EDNRA: variants seen among roughly 807,000 people sequenced by gnomAD.
EDNRA encodes the protein endothelin receptor type A, also known as endothelin-1 receptor.
A neutral mutation model predicts 41.4 loss-of-function variants in EDNRA; 11 were observed. The ratio of observed to expected loss-of-function variants is 0.27; its 90% CI spans 0.17 to 0.44. The LOEUF (loss-of-function observed/expected upper bound fraction) is 0.44, where lower values mean the gene tolerates loss of function less well. Among genes scored for constraint, EDNRA ranks in the 20% least tolerant of loss-of-function variants. EDNRA has a pLI of 1.00. For missense variants in EDNRA, 294 were observed against 531.0 expected (o/e 0.55, Z 4.39); for synonymous variants, 172 against 183.0 (o/e 0.94, Z 0.49).
intron 2 of EDNRA, chr4:147,496,153 C>A (rs72721930): frequency 6.6e-6 from 1 of 152,244 alleles, no homozygotes; most frequent in Non-Finnish European, 1.5e-5. Flanking sequence ...TACACTGCAT[C>A]CCACGTAAGT....
chr4:147,507,102 T>C (rs1361908012), intron 2 of EDNRA, among the ~76,000 whole-genome samples: 1 of 152,036 alleles, frequency 6.6e-6, no homozygotes, highest in Non-Finnish European at 1.5e-5. Flanking sequence ...TTGCTGTATC[T>C]CTGAGGAGCT....
rs756111419 is a variant in EDNRA at position 147,539,958 on chromosome 4, C to CCTGT, written c.1034+9_1034+12dup. 1.3e-5 allele frequency: 21 copies of CCTGT among 1,576,718 alleles called. No homozygotes were observed. The East Asian group carries it at 4.7e-4, about 35-fold the overall frequency. On this transcript the variant is annotated intron_variant, in intron 6 of 7. Coordinates refer to ENST00000651419, the MANE Select transcript of EDNRA (RefSeq NM_001957.4). ...CCGATGTGAATTACTTAGGTATGATCCTGTGTACTCGCTAGAAAATTGGAG... is the reference window on the plus strand; with the variant it reads ...CCGATGTGAATTACTTAGGTATGATCCTGTCTGTGTACTCGCTAGAAAATTGGAG...
chr4:147,535,590 G>T (rs981899783), intron 4 of EDNRA, among the ~76,000 whole-genome samples: 2 of 152,152 alleles, frequency 1.3e-5, no homozygotes, highest in Non-Finnish European at 2.9e-5. Flanking sequence ...GGGCTCTTCC[G>T]TTGTGTAGTT....
chr4:147,512,857 C>T (rs1729973277), intron 2 of EDNRA, among the ~76,000 whole-genome samples: 1 of 152,114 alleles, frequency 6.6e-6, no homozygotes, highest in African/African-American at 2.4e-5. Context: ...GTGTGGCCTG[C>T]CACCACCCTG....
rs1463470527 is a variant in EDNRA, at chr4:147,481,250, A to AGCC, written c.-188_-186dup. The AGCC allele has an allele frequency of 6.5e-6, 1 of 153,100 alleles. No homozygotes were observed. Among genetic ancestry groups the AGCC allele is most frequent in the African/African-American group, 2.4e-5 (1 of 41,468 alleles). The allele number at this position is 153,100 out of a possible 1,614,324, so 9.5% of individuals were successfully genotyped here. On this transcript the variant is annotated 5_prime_UTR_variant, in exon 1 of 8. Coordinates refer to ENST00000651419, the MANE Select transcript of EDNRA (RefSeq NM_001957.4). ...GAAGCCGGGGAAGCTGTGCAGCCGA[A>AGCC]GCCGCCGCCGCGCCGGAGCCCGGGA... is the stretch of plus-strand genomic sequence containing the variant.
At chr4:147,490,624 G>A (rs560411661) in intron 2 of EDNRA, 1 of 152,144 alleles carries the variant, frequency 6.6e-6, no homozygotes, top group South Asian at 2.1e-4. Context: ...TTGTCTCCAT[G>A]TTGGGAGACT....
chr4:147,509,890 C>T (rs1003645834), intron 2 of EDNRA, among the ~76,000 whole-genome samples: 1 of 151,940 alleles, frequency 6.6e-6, no homozygotes. Flanking sequence ...AAATAAAGTG[C>T]ACAATAAATG....
intron 2 of EDNRA, chr4:147,490,729 AGAGTGTTGTCCATAGGGAGATGG>A (rs1280018062): frequency 6.6e-6 from 1 of 152,214 alleles, no homozygotes; most frequent in Admixed American, 6.5e-5. Flanking sequence ...TGTATGCCAT[AGAGTGTTGTCCATAGGGAGATGG>A]GTTATAATTT....
rs1235889433 is a variant in EDNRA, at chr4:147,542,384, C to T, written c.1144-94C>T. ...TTCACTTCCCTCGAATGCGAATGGA[C>T]ATTTGCCCCTCATTAGCATGGCCCA... On this transcript the variant is annotated intron_variant, in intron 7 of 7. Coordinates refer to ENST00000651419, the MANE Select transcript of EDNRA (RefSeq NM_001957.4). 1.1e-5 allele frequency: 17 copies of T among 1,542,684 alleles called. No individual in the cohort carries two copies. The Admixed American group carries it at 2.9e-4, about 26-fold the overall frequency.
intron 2 of EDNRA, chr4:147,494,434 G>A (rs1327612535): frequency 1.3e-5 from 2 of 152,192 alleles, no homozygotes; most frequent in Non-Finnish European, 2.9e-5. Flanking sequence ...GGATGAAGGA[G>A]CAAACAATGC....
chr4:147,524,300 T>C (rs1279779888), intron 3 of EDNRA, among the ~76,000 whole-genome samples: 1 of 152,064 alleles, frequency 6.6e-6, no homozygotes, highest in Non-Finnish European at 1.5e-5. Flanking sequence ...GGAGCTTCAG[T>C]CATGCCCAGT....
At chr4:147,508,402 G>T (rs1280578064) in intron 2 of EDNRA, among the ~76,000 whole-genome samples, 2 of 152,158 alleles carry the variant, frequency 1.3e-5, no homozygotes, top group South Asian at 2.1e-4. Context: ...GCCTCCCAAA[G>T]CTCTGGGATT....
chr4:147,516,683 G>A (rs552278773), intron 2 of EDNRA, among the ~76,000 whole-genome samples: 3 of 152,188 alleles, frequency 2.0e-5, no homozygotes, highest in Admixed American at 1.3e-4. Context: ...GAACCAATAC[G>A]ACTCGTCAGC....
At chr4:147,523,457 G>A (rs954161450) in intron 3 of EDNRA, among the ~76,000 whole-genome samples, 1 of 137,314 alleles carries the variant, frequency 7.3e-6, no homozygotes, top group Non-Finnish European at 1.5e-5. Flanking sequence ...TTTGTTGGGT[G>A]TTTGTTTTTT....
intron 3 of EDNRA, among the ~76,000 whole-genome samples, chr4:147,528,631 G>T (rs930652352): frequency 2.0e-5 from 3 of 152,058 alleles, no homozygotes; most frequent in Non-Finnish European, 4.4e-5. Flanking sequence ...ATCGCACCCG[G>T]CTGGGAACTT....
rs1195130433 is a variant in EDNRA at position 147,486,877 on chromosome 4, A to AATGC, written c.420+776_420+777insATGC. 4.7e-5 allele frequency among the ~76,000 whole-genome samples: 7 copies of AATGC among 148,746 alleles called. No homozygotes were observed. The highest frequency in any genetic ancestry group is 1.8e-4 in the African/African-American group (7 of 39,800). ...ATAACTAACCTTGCTTACAGACTGT[A>AATGC]TTAGGCCATTTCTACATTGCTATTA... On this transcript the variant is annotated intron_variant, in intron 2 of 7. Transcript: ENST00000651419. The surrounding 1 kb of genome is among the most constrained non-coding windows in gnomAD (Gnocchi z 4.3).
At chr4:147,513,365 T>G (rs1333526736) in intron 2 of EDNRA, among the ~76,000 whole-genome samples, 1 of 152,250 alleles carries the variant, frequency 6.6e-6, no homozygotes, top group African/African-American at 2.4e-5. Flanking sequence ...AGGCCATAGC[T>G]TTTATGACAT....
intron 5 of EDNRA, among the ~76,000 whole-genome samples, 156 bp downstream of exon 5, chr4:147,536,185 T>C (rs1420152649): frequency 1.3e-5 from 2 of 152,214 alleles, no homozygotes; most frequent in Non-Finnish European, 2.9e-5. Context: ...GTTAGAAATT[T>C]CTTTTGTAAA....
At chr4:147,510,250 G>T (rs1348288292) in intron 2 of EDNRA, among the ~76,000 whole-genome samples, 1 of 152,086 alleles carries the variant, frequency 6.6e-6, no homozygotes, top group Non-Finnish European at 1.5e-5. Context: ...AGGCTCTCTG[G>T]GTTTGCAGGT....
Sources: gnomAD v4.1 joint callset for allele counts (sites outside exome capture counted in the v4.1 genomes callset) on GRCh38, gnomAD v4.1.1 for gene constraint, Gnocchi (gnomAD v3.1) non-coding constraint, MANE v1.5 for transcripts, NCBI Gene and HGNC (gene_info 2026-07-23, HGNC 2026-07-21) for gene names.